Variants in POLR3A observed in about 807,000 individuals in gnomAD.
The protein encoded by POLR3A is RNA polymerase III subunit A, also known as DNA-directed RNA polymerase III subunit RPC1.
A neutral mutation model predicts 152.8 loss-of-function variants in POLR3A; 112 were observed. The observed-to-expected ratio is 0.73, with a 90% CI of 0.63 to 0.86. The LOEUF (loss-of-function observed/expected upper bound fraction) is 0.86, where lower values mean the gene tolerates loss of function less well. POLR3A is among the 40% of genes least tolerant of loss of function. POLR3A has a pLI of 0.00. For missense variants in POLR3A, 1,385 were observed against 1,743.1 expected, an observed-to-expected ratio of 0.79 and a Z score of 3.66; for synonymous variants, 615 against 652.1, an observed-to-expected ratio of 0.94 and a Z score of 0.87.
Position 78,022,289 on chromosome 10 carries a change from C to A in POLR3A, c.741G>T (p.Pro247=). The A allele has an allele frequency of 6.2e-7, 1 of 1,614,194 alleles. No homozygotes were observed. The highest frequency in any genetic ancestry group is 8.5e-7 in the Non-Finnish European group (1 of 1,180,034). The part of the protein sequence containing the change: ...LLLMNPEAGK[P]SDLILTRLLV... Reference sequence around the variant, plus strand: ...AAAGTCGTGTGAGAATCAAATCAGACGGCTTTCCGGCTTCTGGGTTCATCA... The same window carrying A: ...AAAGTCGTGTGAGAATCAAATCAGAAGGCTTTCCGGCTTCTGGGTTCATCA... The change falls in exon 6 of 31, where the codon CCG becomes CCT. Residue 247 remains proline (P), a synonymous_variant. Coordinates refer to ENST00000372371, the MANE Select transcript of POLR3A (RefSeq NM_007055.4).
chr10:77,984,463 C>A (rs993058450), intron 24 of POLR3A, among the ~76,000 whole-genome samples, 165 bp from the exon 25 acceptor site: 8 of 152,206 alleles, frequency 5.3e-5, no homozygotes, highest in African/African-American at 1.9e-4. Flanking sequence ...CCTGCCTCAG[C>A]CTCTGGAGTA....
At chr10:78,007,663 T>C in intron 15 of POLR3A, 39 bp downstream of exon 15, 3 of 1,579,906 alleles carry the variant, frequency 1.9e-6, no homozygotes, top group African/African-American at 1.3e-5. Context: ...ACTCTAACAA[T>C]TGCAGCTTTA....
chr10:78,002,027 A>C (rs898142342), intron 17 of POLR3A, among the ~76,000 whole-genome samples, 170 bp downstream of exon 17: 1 of 152,200 alleles, frequency 6.6e-6, no homozygotes, highest in Non-Finnish European at 1.5e-5. Flanking sequence ...AAGTTCCTTC[A>C]AAGCAGTTAA....
intron 10 of POLR3A, among the ~76,000 whole-genome samples, chr10:78,016,410 T>TAAA (rs548574588): frequency 6.5e-5 from 6 of 92,074 alleles, no homozygotes; most frequent in South Asian, 3.4e-4. Context: ...CTCCACTTAT[T>TAAA]AAAAAAAAAA....
intron 8 of POLR3A, chr10:78,020,203 T>A (rs1847565317): frequency 1.4e-5 from 2 of 146,152 alleles, no homozygotes; most frequent in Admixed American, 6.9e-5. Flanking sequence ...AAGTGCTAGC[T>A]GGGCACAGGG....
Position 77,984,389 on chromosome 10 carries a change from T to C in POLR3A, c.3243-91A>G. 3 of 803,454 alleles carry C rather than the reference T, an allele frequency of 3.7e-6. No individual in the cohort carries two copies. In the South Asian group the frequency reaches 4.0e-5, roughly 11 times the overall value. 49.8% of individuals were successfully genotyped at this position (803,454 alleles called of 1,614,324 possible). A position where few individuals can be genotyped will look rare whatever the true frequency, so the allele number is the denominator to read the frequency against. ...TGTTAAACCCAAGTGCTATTTAGAATCATAATGTTACTAGCAACCCCAGTT... is the reference window on the plus strand; with the variant it reads ...TGTTAAACCCAAGTGCTATTTAGAACCATAATGTTACTAGCAACCCCAGTT... On this transcript the variant is annotated intron_variant, in intron 24 of 30. Coordinates refer to ENST00000372371, the MANE Select transcript of POLR3A (RefSeq NM_007055.4).
At chr10:78,023,735 A>T (rs558084655) in intron 5 of POLR3A, among the ~76,000 whole-genome samples, 5 of 150,686 alleles carry the variant, frequency 3.3e-5, no homozygotes, top group South Asian at 2.1e-4. Flanking sequence ...CCTCGATCAT[A>T]CCACTGCACT....
chr10:78,022,857 T>C (rs1847593271), intron 5 of POLR3A, among the ~76,000 whole-genome samples: 1 of 152,106 alleles, frequency 6.6e-6, no homozygotes, highest in African/African-American at 2.4e-5. Context: ...AAAAGGTCCA[T>C]AAAATATTGG....
Position 77,996,684 on chromosome 10 carries a change from A to G in POLR3A, c.2616+3297T>C, listed in dbSNP as rs199870234. On this transcript the variant is annotated intron_variant, in intron 19 of 30. Coordinates refer to ENST00000372371, the MANE Select transcript of POLR3A (RefSeq NM_007055.4). ...GGCAATAATTAATAGCTTACCAACCAAAAAAAGTCCAGGACCAGATGGATT... is the reference window on the plus strand; with the variant it reads ...GGCAATAATTAATAGCTTACCAACCGAAAAAAGTCCAGGACCAGATGGATT... 4.6e-5 allele frequency among the ~76,000 whole-genome samples: 7 copies of G among 152,182 alleles called. No homozygotes were observed. In the East Asian group the frequency reaches 9.7e-4, roughly 21 times the overall value.
chr10:78,024,979 G>A lies in POLR3A; in HGVS notation c.482C>T (p.Ala161Val), dbSNP rs1169282254. ...RKKNICHHCG[A>V]FNGTVKKCGL... ...CTGTGCATTCCACTCACCATTAAAA[G>A]CGCCACAGTGATGGCAGATGTTTTT... The change falls in exon 4 of 31, where the codon GCT becomes GTT. Residue 161 changes from alanine (A) to valine (V), a missense_variant. Coordinates refer to ENST00000372371, the MANE Select transcript of POLR3A (RefSeq NM_007055.4). 6.2e-7 allele frequency: 1 copy of A among 1,614,176 alleles called. No individual in the cohort carries two copies. Among genetic ancestry groups the A allele is most frequent in the Non-Finnish European group, 8.5e-7 (1 of 1,180,016 alleles).
At chr10:78,008,849 GAA>G (rs57285474) in intron 14 of POLR3A, among the ~76,000 whole-genome samples, 10 of 118,984 alleles carry the variant, frequency 8.4e-5, no homozygotes, top group Admixed American at 8.9e-5. Flanking sequence ...GTTTGTCTTT[GAA>G]AAAAAAAAAA....
chr10:78,012,729 T>C (rs1016351805), intron 11 of POLR3A, among the ~76,000 whole-genome samples: 8 of 151,376 alleles, frequency 5.3e-5, no homozygotes, highest in Non-Finnish European at 1.0e-4. Flanking sequence ...GTTTTTTTTT[T>C]TTCTTCTTTT....
chr10:77,992,723 G>A (rs529854937), intron 20 of POLR3A, among the ~76,000 whole-genome samples: 37 of 151,928 alleles, frequency 2.4e-4, no homozygotes, highest in East Asian at 9.7e-4. Context: ...TATTTTTTTA[G>A]AGATAGAGTT....
At chr10:77,989,630 T>C (rs1480604161) in intron 21 of POLR3A, among the ~76,000 whole-genome samples, 3 of 152,192 alleles carry the variant, frequency 2.0e-5, no homozygotes, top group Non-Finnish European at 4.4e-5. Flanking sequence ...CAAAGCAGTG[T>C]TTGCCAGAAC....
At chr10:77,984,170 T>C in intron 25 of POLR3A, 35 bp downstream of exon 25, 1 of 1,404,810 alleles carries the variant, frequency 7.1e-7, no homozygotes, top group Non-Finnish European at 1.0e-6. Context: ...ATTGCTGAGC[T>C]AGTTTTCTTG....
intron 11 of POLR3A, among the ~76,000 whole-genome samples, chr10:78,012,836 T>G (rs1328206331): frequency 6.6e-6 from 1 of 152,090 alleles, no homozygotes; most frequent in Non-Finnish European, 1.5e-5. Context: ...ATCCTCCCAT[T>G]TCAGCTTCCT....
chr10:77,985,372 C>T, intron 23 of POLR3A, 32 bp from the exon 24 acceptor site: 2 of 1,596,016 alleles, frequency 1.3e-6, no homozygotes, highest in East Asian at 2.2e-5. Flanking sequence ...GAGATTGCAG[C>T]ATGCCAAAGA....
intron 10 of POLR3A, among the ~76,000 whole-genome samples, chr10:78,016,568 G>C (rs1847525983): frequency 6.6e-6 from 1 of 152,068 alleles, no homozygotes; most frequent in South Asian, 2.1e-4. Flanking sequence ...ACAAACATTA[G>C]CTGGGCGTGG....
intron 19 of POLR3A, among the ~76,000 whole-genome samples, chr10:77,996,383 T>C (rs2131939185): frequency 6.6e-6 from 1 of 152,182 alleles, no homozygotes; most frequent in Non-Finnish European, 1.5e-5. Context: ...GCTGGTTTTT[T>C]GAAAAGATCA....
Sources: gnomAD v4.1 joint callset for allele counts (sites outside exome capture counted in the v4.1 genomes callset) on GRCh38, gnomAD v4.1.1 for gene constraint, MANE v1.5 for transcripts, NCBI Gene and HGNC (gene_info 2026-07-23, HGNC 2026-07-21) for gene names.